The following PRKCQ variants were observed in gnomAD, a reference collection of about 807,000 sequenced individuals.
The protein encoded by PRKCQ is protein kinase C theta.
A neutral mutation model predicts 91.2 loss-of-function variants in PRKCQ; 41 were observed. The observed-to-expected ratio is 0.45, with a 90% confidence interval of 0.35 to 0.58. The LOEUF (loss-of-function observed/expected upper bound fraction) is 0.58. Ranked by LOEUF, PRKCQ falls within the 20% of genes least tolerant of loss-of-function variation. The pLI is 0.00. For synonymous variants in PRKCQ, 307 were observed against 316.9 expected, an observed-to-expected ratio of 0.97 and a Z score of 0.33; for missense variants, 673 against 896.5, an observed-to-expected ratio of 0.75 and a Z score of 3.18.
At chr10:6,448,221 A>T (rs1834431504) in intron 15 of PRKCQ, among the ~76,000 whole-genome samples, 1 of 152,086 alleles carries the variant, frequency 6.6e-6, no homozygotes. Flanking sequence ...ATGGTCCCTG[A>T]TGGGGAGAAG....
chr10:6,430,675 T>A lies in PRKCQ; in HGVS notation c.1965+135A>T. ...CAGTAACATGTGTTAGAGACGTGCATTCCTCCTGGAGAGTGGGGCTGGTGG... is the reference window on the plus strand; with the variant it reads ...CAGTAACATGTGTTAGAGACGTGCAATCCTCCTGGAGAGTGGGGCTGGTGG... On this transcript the variant is annotated intron_variant, in intron 17 of 17. Transcript: ENST00000263125. The surrounding 1 kb of genome is among the most constrained non-coding windows in gnomAD (Gnocchi z 4.7). 3.0e-6 allele frequency: 4 copies of A among 1,312,086 alleles called. No individual in the cohort carries two copies. The highest frequency in any genetic ancestry group is 4.2e-6 in the Non-Finnish European group (4 of 954,430). 81.3% of individuals were successfully genotyped at this position (1,312,086 alleles called of 1,614,324 possible). A position where few individuals can be genotyped will look rare whatever the true frequency, so the allele number is the denominator to read the frequency against.
In PRKCQ at chr10:6,498,510, T is replaced by G; in HGVS notation, c.428A>C (p.His143Pro). ...CTGCTTGATGGCACCCCGGCGCTGATGCAAAGCAAAGAAGCCTTCCGTCTC... is the reference window on the plus strand; with the variant it reads ...CTGCTTGATGGCACCCCGGCGCTGAGGCAAAGCAAAGAAGCCTTCCGTCTC... ...EFETEGFFAL[H>P]QRRGAIKQAK... The change falls in exon 5 of 18, where the codon CAT (histidine) becomes CCT (proline). Residue 143 changes from histidine to proline, a missense_variant. Transcript: ENST00000263125. 6.2e-7 allele frequency: 1 copy of G among 1,614,152 alleles called. No homozygotes were observed. The highest frequency in any genetic ancestry group is 8.5e-7 in the Non-Finnish European group (1 of 1,180,018).
At chr10:6,429,281 G>A (rs950429189) in intron 17 of PRKCQ, among the ~76,000 whole-genome samples, 3 of 152,232 alleles carry the variant, frequency 2.0e-5, no homozygotes, top group Admixed American at 6.5e-5. Flanking sequence ...TGCAGTGGAA[G>A]GTGAGACATG....
chr10:6,476,046 C>T lies in PRKCQ; in HGVS notation c.1353+2946G>A, dbSNP rs61840403. On this transcript the variant is annotated intron_variant, in intron 12 of 17. Coordinates refer to ENST00000263125, the MANE Select transcript of PRKCQ (RefSeq NM_006257.5). Reference sequence around the variant, plus strand: ...CCCAGCTGCACGGAACTCATTTATGCCTAGTGTTCCATTATTGGAACGCTA... The same window carrying T: ...CCCAGCTGCACGGAACTCATTTATGTCTAGTGTTCCATTATTGGAACGCTA... Among the ~76,000 whole-genome samples the T allele has an allele frequency of 9.8e-4, 149 of 152,282 alleles. 1 individual carries two copies. Among genetic ancestry groups the T allele is most frequent in the Non-Finnish European group, 1.9e-3 (129 of 68,024 alleles).
At chr10:6,530,598 G>A (rs11259406) in intron 1 of PRKCQ, among the ~76,000 whole-genome samples, 33,130 of 152,144 alleles carry the variant, frequency 0.22, 3,714 homozygotes, top group East Asian at 0.36. Context: ...AAGGGCACCG[G>A]GGGAAGAGAA....
intron 15 of PRKCQ, among the ~76,000 whole-genome samples, chr10:6,445,938 G>GACAA (rs1834264210): frequency 6.6e-6 from 1 of 152,190 alleles, no homozygotes; most frequent in South Asian, 2.1e-4. Flanking sequence ...GTTTTGGCAG[G>GACAA]ACAAACAAAA....
At chr10:6,468,017 G>A (rs1460878408) in intron 12 of PRKCQ, among the ~76,000 whole-genome samples, 1 of 152,034 alleles carries the variant, frequency 6.6e-6, no homozygotes, top group African/African-American at 2.4e-5. Context: ...AGCCAGCCTG[G>A]GCAACAGAGT....
chr10:6,498,606 C>A (rs746376359), intron 4 of PRKCQ, 48 bp from the exon 5 acceptor site: 54 of 1,584,710 alleles, frequency 3.4e-5, no homozygotes, highest in Non-Finnish European at 4.6e-5. Context: ...AAAAGGACGA[C>A]TCCTATTCTA....
At chr10:6,498,309 A>G in intron 5 of PRKCQ, 87 bp downstream of exon 5, 1 of 1,498,676 alleles carries the variant, frequency 6.7e-7, no homozygotes, top group Non-Finnish European at 9.2e-7. Context: ...CACACCCCCC[A>G]CAGTGGAGCA....
intron 3 of PRKCQ, among the ~76,000 whole-genome samples, chr10:6,508,100 A>G (rs532216465): frequency 9.8e-5 from 15 of 152,336 alleles, no homozygotes; most frequent in African/African-American, 3.6e-4. Flanking sequence ...ATAAATGTAT[A>G]TAAATACATA....
At chr10:6,510,069 T>C (rs914586921) in intron 3 of PRKCQ, among the ~76,000 whole-genome samples, 3 of 152,210 alleles carry the variant, frequency 2.0e-5, no homozygotes, top group African/African-American at 7.2e-5. Context: ...GGTGGATGTT[T>C]AAAAATCTGA....
chr10:6,551,228 C>T (rs563857304), intron 1 of PRKCQ, among the ~76,000 whole-genome samples: 1 of 152,184 alleles, frequency 6.6e-6, no homozygotes, highest in African/African-American at 2.4e-5. Context: ...TAATTTAGCT[C>T]CCACTTATAA....
At chr10:6,502,237 G>A (rs1837955728) in intron 4 of PRKCQ, among the ~76,000 whole-genome samples, 1 of 152,192 alleles carries the variant, frequency 6.6e-6, no homozygotes, top group African/African-American at 2.4e-5. Flanking sequence ...TACCAGCTAA[G>A]GCAGGTGGAG....
intron 1 of PRKCQ, among the ~76,000 whole-genome samples, chr10:6,544,451 C>T (rs537659265): frequency 2.6e-5 from 4 of 152,232 alleles, no homozygotes; most frequent in African/African-American, 7.2e-5. Flanking sequence ...GTAATTAACT[C>T]CACAGTGATT....
At chr10:6,420,519 A>G in the PRKCQ span, among the ~76,000 whole-genome samples, 12 of 152,170 alleles carry the variant, frequency 7.9e-5, no homozygotes, top group Admixed American at 7.8e-4. Context: ...CCCTGAGATG[A>G]CCTATTTCCT....
the PRKCQ span, among the ~76,000 whole-genome samples, chr10:6,415,667 A>G: frequency 6.6e-6 from 1 of 150,942 alleles, no homozygotes; most frequent in Non-Finnish European, 1.5e-5. Flanking sequence ...TGTTTGTACT[A>G]TTCTGGGATT....
At chr10:6,451,538 C>A (rs1356031104) in intron 15 of PRKCQ, among the ~76,000 whole-genome samples, 1 of 152,032 alleles carries the variant, frequency 6.6e-6, no homozygotes. Flanking sequence ...AACTATTCCA[C>A]TAAATAGAAA....
At chr10:6,504,246 CCATAA>C (rs1484708338) in intron 4 of PRKCQ, among the ~76,000 whole-genome samples, 2 of 152,224 alleles carry the variant, frequency 1.3e-5, no homozygotes, top group Non-Finnish European at 2.9e-5. Flanking sequence ...TATCACCTCT[CCATAA>C]CATAAGTGAA....
At chr10:6,442,751 C>T (rs767302851) in intron 15 of PRKCQ, among the ~76,000 whole-genome samples, 8 of 152,140 alleles carry the variant, frequency 5.3e-5, no homozygotes, top group African/African-American at 1.4e-4. Context: ...CACCTGAGGT[C>T]GGGAGTTTGA....
Sources: allele counts gnomAD v4.1 joint callset (sites outside exome capture counted in the v4.1 genomes callset), GRCh38; gene constraint gnomAD v4.1.1; non-coding constraint Gnocchi (gnomAD v3.1); transcripts MANE v1.5; gene names NCBI Gene and HGNC (gene_info 2026-07-23, HGNC 2026-07-21).